Variants in MARK1 observed in about 807,000 individuals in gnomAD.
MARK1 encodes microtubule affinity regulating kinase 1.
In MARK1, 40 loss-of-function variants were observed where a neutral mutation model predicts 96.3. The ratio of observed to expected loss-of-function variants is 0.42; its 90% confidence interval spans 0.32 to 0.54. The LOEUF (loss-of-function observed/expected upper bound fraction) is 0.54, where lower values mean the gene tolerates loss of function less well. Ranked by LOEUF, MARK1 falls within the 20% of genes least tolerant of loss-of-function variation. The probability of loss-of-function intolerance (pLI) is 0.16; values close to 1 mark genes in which losing one functional copy is unlikely to be tolerated. For synonymous variants in MARK1, 317 were observed against 341.2 expected, an observed-to-expected ratio of 0.93 and a Z score of 0.78; for missense variants, 719 against 984.6, an observed-to-expected ratio of 0.73 and a Z score of 3.61.
At chr1:220,622,528 T>C (rs1323286640) in intron 9 of MARK1, among the ~76,000 whole-genome samples, 1 of 152,214 alleles carries the variant, frequency 6.6e-6, no homozygotes, top group African/African-American at 2.4e-5. Context: ...CAGAAGCATA[T>C]AGTATATTTT....
chr1:220,648,421 A>G (rs1054356415), intron 13 of MARK1, among the ~76,000 whole-genome samples: 10 of 152,246 alleles, frequency 6.6e-5, no homozygotes, highest in African/African-American at 2.4e-4. Context: ...TGTATGACAA[A>G]TGGAAGCAGT....
At chr1:220,631,608 C>G (rs2103006100) in intron 10 of MARK1, among the ~76,000 whole-genome samples, 1 of 152,306 alleles carries the variant, frequency 6.6e-6, no homozygotes, top group East Asian at 1.9e-4. Flanking sequence ...CCAGAGCTCT[C>G]CTTCTAACTT....
chr1:220,562,255 A>T (rs1047385764), intron 1 of MARK1, among the ~76,000 whole-genome samples: 1 of 152,158 alleles, frequency 6.6e-6, no homozygotes, highest in Admixed American at 6.5e-5. Context: ...ACTTGAGGCC[A>T]GGAGTTTGAC....
chr1:220,626,819 C>CA (rs34627760), intron 9 of MARK1: 14,533 of 258,700 alleles, frequency 0.056, 2 homozygotes, highest in South Asian at 0.087. Flanking sequence ...GACTCCATCT[C>CA]AAAAAAAAAA....
At chr1:220,635,638 A>G in intron 12 of MARK1, 109 bp downstream of exon 12, 1 of 1,285,184 alleles carries the variant, frequency 7.8e-7, no homozygotes, top group Non-Finnish European at 1.1e-6. Flanking sequence ...TCTAGTTCTC[A>G]CAGACTTATA....
At position 220,618,094 on chromosome 1, in the gene MARK1, AAG is replaced by A. The variant is rs1478392445; in HGVS notation, c.553-211_553-210del. Among the ~76,000 whole-genome samples, 1 of 152,220 alleles carries A rather than the reference AAG, an allele frequency of 6.6e-6. No individual in the cohort carries two copies. Among genetic ancestry groups the A allele is most frequent in the Non-Finnish European group, 1.5e-5 (1 of 68,048 alleles). On this transcript the variant is annotated intron_variant, in intron 7 of 17. Transcript: ENST00000366917. This position sits in a 1 kb window ranked among gnomAD's most constrained non-coding sequence, Gnocchi z 4.6. ...TTAAGTAGTTGCATATATGCATATA[AAG>A]AGAGCTTTCCTTATGTAGTGTTAAA...
At chr1:220,640,656 T>C (rs1305817637) in intron 13 of MARK1, among the ~76,000 whole-genome samples, 1 of 152,196 alleles carries the variant, frequency 6.6e-6, no homozygotes, top group East Asian at 1.9e-4. Flanking sequence ...CTTACAACTC[T>C]GGAGGCTGGG....
At chr1:220,590,589 A>AG (rs1006558012) in intron 3 of MARK1, among the ~76,000 whole-genome samples, 2 of 152,194 alleles carry the variant, frequency 1.3e-5, no homozygotes, top group African/African-American at 4.8e-5. Context: ...ATATGAATTT[A>AG]GGGGGGCACA....
At chr1:220,624,152 G>T (rs909535966) in intron 9 of MARK1, among the ~76,000 whole-genome samples, 1 of 151,540 alleles carries the variant, frequency 6.6e-6, no homozygotes, top group East Asian at 1.9e-4. Context: ...ACAAAAATTA[G>T]CTGGGCATGG....
chr1:220,547,148 T>G (rs986150334), intron 1 of MARK1, among the ~76,000 whole-genome samples: 5 of 152,194 alleles, frequency 3.3e-5, no homozygotes, highest in Non-Finnish European at 5.9e-5. Context: ...CTTGGGTACT[T>G]TTTTCTGCAG....
chr1:220,600,674 A>C (rs535426903), intron 5 of MARK1, among the ~76,000 whole-genome samples: 3 of 152,322 alleles, frequency 2.0e-5, no homozygotes, highest in Admixed American at 1.3e-4. Context: ...GATTTAAGCA[A>C]CTGAAGAAGA....
intron 9 of MARK1, among the ~76,000 whole-genome samples, chr1:220,621,492 C>T (rs1667050008): frequency 6.6e-6 from 1 of 152,002 alleles, no homozygotes; most frequent in East Asian, 1.9e-4. Context: ...TTTGATGCCT[C>T]GCTTTAATTT....
chr1:220,569,237 T>C (rs141518566), intron 1 of MARK1, among the ~76,000 whole-genome samples: 2,360 of 152,288 alleles, frequency 0.015, 34 homozygotes, highest in Middle Eastern at 0.044. Context: ...ATTTTAAAAA[T>C]TGACTTGTGG....
Position 220,662,199 on chromosome 1 carries a change from C to A in MARK1, c.*33C>A. 6.6e-7 allele frequency: 1 copy of A among 1,507,142 alleles called. No homozygotes were observed. Among genetic ancestry groups the A allele is most frequent in the Non-Finnish European group, 9.1e-7 (1 of 1,099,420 alleles). 93.4% of individuals were successfully genotyped at this position (1,507,142 alleles called of 1,614,324 possible). On this transcript the variant is annotated 3_prime_UTR_variant, in exon 18 of 18. Coordinates refer to ENST00000366917, the MANE Select transcript of MARK1 (RefSeq NM_018650.5). ...CAAATTTACAGGTTCAGGGAAGATA[C>A]ATACATATATGAGGTACAGTTTTTG...
At chr1:220,588,085 A>G (rs1279360686) in intron 3 of MARK1, among the ~76,000 whole-genome samples, 2 of 152,142 alleles carry the variant, frequency 1.3e-5, no homozygotes, top group African/African-American at 4.8e-5. Flanking sequence ...TGCCAACCTT[A>G]TGGGTGTGAA....
At chr1:220,581,372 T>C (rs563636848) in intron 3 of MARK1, among the ~76,000 whole-genome samples, 2 of 152,200 alleles carry the variant, frequency 1.3e-5, no homozygotes, top group Admixed American at 1.3e-4. Context: ...CCTTGTGTCA[T>C]ACATTTTGAA....
chr1:220,557,596 G>A (rs774654306), intron 1 of MARK1, among the ~76,000 whole-genome samples: 1 of 151,972 alleles, frequency 6.6e-6, no homozygotes, highest in Non-Finnish European at 1.5e-5. Flanking sequence ...TCAGACAAAT[G>A]AAAACTAAGA....
Position 220,635,826 on chromosome 1 carries a change from A to C in MARK1, c.1277-7A>C, listed in dbSNP as rs760823630. ...AGCTCATTATGCTATTTTTAAAAAA[A>C]TTATAGCTGGTCCATCCATTCCTCC... On this transcript the variant is annotated splice_region_variant and splice_polypyrimidine_tract_variant and intron_variant, in intron 12 of 17. Transcript: ENST00000366917. 1 of 1,557,974 alleles carries C rather than the reference A, an allele frequency of 6.4e-7. No homozygotes were observed. Among genetic ancestry groups the C allele is most frequent in the South Asian group, 1.2e-5 (1 of 81,500 alleles).
chr1:220,545,439 G>GTTTTT lies in MARK1; in HGVS notation c.51+16585_51+16589dup, dbSNP rs35422682. ...AAATTCAGTGGGCTGCTTTCTCATG[G>GTTTTT]TTTTTTTTTTTTTTTTTTTTTTTGA... On this transcript the variant is annotated intron_variant, in intron 1 of 17. Transcript: ENST00000366917. Among the ~76,000 whole-genome samples, 52 of 87,240 alleles carry GTTTTT rather than the reference G, an allele frequency of 6.0e-4. 1 individual carries two copies. The highest frequency in any genetic ancestry group is 1.6e-3 in the African/African-American group (35 of 22,314). The allele number at this position is 87,240 out of a possible 152,430, so 57.2% of individuals were successfully genotyped here. A position where few individuals can be genotyped will look rare whatever the true frequency, so the allele number is the denominator to read the frequency against.
Sources: allele counts gnomAD v4.1 joint callset (sites outside exome capture counted in the v4.1 genomes callset), GRCh38; gene constraint gnomAD v4.1.1; non-coding constraint Gnocchi (gnomAD v3.1); transcripts MANE v1.5; gene names NCBI Gene and HGNC (gene_info 2026-07-23, HGNC 2026-07-21).